The following C3orf49 variants were observed in gnomAD, a reference collection of about 807,000 sequenced individuals.
C3orf49 encodes chromosome 3 open reading frame 49.
C3orf49 carries 27 observed loss-of-function variants against 13.3 expected under a neutral mutation model. The observed-to-expected ratio is 2.02, with a 90% CI of 1.49 to 2.79. The LOEUF (loss-of-function observed/expected upper bound fraction) is 2.79. C3orf49 is among the 30% of genes most tolerant of loss of function. The pLI is 0.00. For synonymous variants in C3orf49, 87 were observed against 47.6 expected (o/e 1.83, Z -3.40); for missense variants, 242 against 134.2 (o/e 1.80, Z -3.97).
upstream of C3orf49, among the ~76,000 whole-genome samples, chr3:63,818,369 T>C (rs765919299): frequency 2.0e-5 from 3 of 152,186 alleles, no homozygotes; most frequent in Non-Finnish European, 4.4e-5. Context: ...CACTTCATTC[T>C]AGACCATTTT....
chr3:63,833,849 A>G (rs1559600988), intron 5 of C3orf49: 1 of 279,808 alleles, frequency 3.6e-6, no homozygotes, highest in African/African-American at 2.2e-5. Flanking sequence ...ACTACCTAGA[A>G]TATTAATGAG....
chr3:63,845,996 C>T (rs1274790706), intron 6 of C3orf49: 2 of 177,846 alleles, frequency 1.1e-5, no homozygotes, highest in African/African-American at 4.8e-5. Context: ...GAACAAAATT[C>T]TTATTGGCAT....
rs369552230 is a variant in C3orf49 at position 63,831,105 on chromosome 3, C to A, written c.571-5C>A. The A allele has an allele frequency of 1.2e-5, 8 of 695,418 alleles. No homozygotes were observed. The highest frequency in any genetic ancestry group is 7.1e-5 in the African/African-American group (4 of 56,518). 43.1% of individuals were successfully genotyped at this position (695,418 alleles called of 1,614,324 possible). A position where few individuals can be genotyped will look rare whatever the true frequency, so the allele number is the denominator to read the frequency against. On this transcript the variant is annotated splice_polypyrimidine_tract_variant and splice_region_variant and intron_variant, in intron 3 of 6. Transcript: ENST00000295896. ...AATCTGATGTGTTTTGCATTTTTAC[C>A]ATAGGGGCCATATTCACCAAAAAAG...
At chr3:63,783,943 C>T in the C3orf49 span, among the ~76,000 whole-genome samples, 1 of 151,916 alleles carries the variant, frequency 6.6e-6, no homozygotes, top group Non-Finnish European at 1.5e-5. Context: ...TTCATGGCCC[C>T]TATATCTTTT....
intron 2 of C3orf49, among the ~76,000 whole-genome samples, chr3:63,823,972 TG>T (rs112088277): frequency 1.1e-4 from 16 of 152,228 alleles, no homozygotes; most frequent in African/African-American, 3.6e-4. Context: ...AGCTAAATTT[TG>T]TATTTTTACT....
the C3orf49 span, among the ~76,000 whole-genome samples, chr3:63,800,688 C>T: frequency 2.6e-5 from 4 of 152,064 alleles, no homozygotes; most frequent in African/African-American, 7.2e-5. Flanking sequence ...ATAGCTAATA[C>T]GTTAATATTG....
the C3orf49 span, chr3:63,786,037 A>G: frequency 2.6e-5 from 4 of 152,206 alleles, no homozygotes; most frequent in Non-Finnish European, 5.9e-5. Flanking sequence ...GATGCTGTCA[A>G]TTATAAAGCC....
At chr3:63,838,205 A>G (rs2107122479) in intron 5 of C3orf49, 2 of 912,924 alleles carry the variant, frequency 2.2e-6, no homozygotes, top group Non-Finnish European at 3.2e-6. Flanking sequence ...CCAAAGTACT[A>G]TATCATCTTA....
In C3orf49 at chr3:63,831,142, T is replaced by C. The variant is rs766289104; in HGVS notation, c.603T>C (p.Phe201=). The C allele has an allele frequency of 2.3e-5, 16 of 702,596 alleles. No homozygotes were observed. The highest frequency in any genetic ancestry group is 1.8e-4 in the South Asian group (12 of 67,558). 43.5% of individuals were successfully genotyped at this position (702,596 alleles called of 1,614,324 possible). A position where few individuals can be genotyped will look rare whatever the true frequency, so the allele number is the denominator to read the frequency against. ...GPYSPKKRPH[F]PALKKKKRGM... is the part of the protein sequence containing the mutation. ...ATTCACCAAAAAAGAGACCACACTT[T>C]CCAGCACTTAAAAAAAAGAAGCGTG... Residue 201 remains phenylalanine, a synonymous_variant, in exon 4 of 7, where the codon TTT becomes TTC. Transcript: ENST00000295896.
the C3orf49 span, among the ~76,000 whole-genome samples, chr3:63,807,378 T>C: frequency 3.3e-5 from 5 of 152,206 alleles, no homozygotes; most frequent in African/African-American, 1.2e-4. Context: ...TTATTCTCTC[T>C]TCCATTTTCC....
upstream of C3orf49, among the ~76,000 whole-genome samples, chr3:63,816,515 G>A (rs1701326039): frequency 6.6e-6 from 1 of 152,002 alleles, no homozygotes; most frequent in African/African-American, 2.4e-5. Context: ...GAACCCAGAA[G>A]GTAGAGGTTG....
intron 5 of C3orf49, chr3:63,832,089 G>C (rs1281819222): frequency 5.6e-6 from 2 of 354,174 alleles, no homozygotes; most frequent in African/African-American, 4.3e-5. Context: ...AGCTACTCGG[G>C]AGGCTGAGGC....
chr3:63,837,998 T>C (rs781186093), intron 5 of C3orf49: 22 of 1,608,774 alleles, frequency 1.4e-5, no homozygotes. Context: ...TTCGTATTCG[T>C]TTTGCTTGAA....
chr3:63,835,996 G>A (rs1202146234), intron 5 of C3orf49, among the ~76,000 whole-genome samples: 1 of 151,876 alleles, frequency 6.6e-6, no homozygotes, highest in Non-Finnish European at 1.5e-5. Flanking sequence ...TTTGAGAGCT[G>A]TGTTTTAAAA....
the C3orf49 span, among the ~76,000 whole-genome samples, chr3:63,788,910 G>A: frequency 1.6e-3 from 240 of 151,870 alleles, 1 homozygote; most frequent in African/African-American, 5.5e-3. Flanking sequence ...TTTCTTGAGG[G>A]GTATTAGTAC....
At chr3:63,814,352 A>G (rs1406266667), upstream of C3orf49, among the ~76,000 whole-genome samples, 1 of 151,864 alleles carries the variant, frequency 6.6e-6, no homozygotes, top group Non-Finnish European at 1.5e-5. Flanking sequence ...GTTTACCACA[A>G]TTCCCACCCC....
chr3:63,806,850 A>G, the C3orf49 span, among the ~76,000 whole-genome samples: 1 of 152,148 alleles, frequency 6.6e-6, no homozygotes, highest in Non-Finnish European at 1.5e-5. Context: ...GACATTTGAC[A>G]CATTGTATTA....
the C3orf49 span, among the ~76,000 whole-genome samples, chr3:63,809,605 C>T: frequency 5.9e-5 from 9 of 152,202 alleles, no homozygotes; most frequent in African/African-American, 2.2e-4. Flanking sequence ...CCAGATCCCA[C>T]ATGTTAGGCC....
chr3:63,830,241 C>T (rs1005918726), intron 3 of C3orf49, among the ~76,000 whole-genome samples: 1 of 152,152 alleles, frequency 6.6e-6, no homozygotes, highest in Non-Finnish European at 1.5e-5. Flanking sequence ...AATGTAGTGA[C>T]TGCCAAGTAT....
Sources: gnomAD v4.1 joint callset for allele counts (sites outside exome capture counted in the v4.1 genomes callset) on GRCh38, gnomAD v4.1.1 for gene constraint, MANE v1.5 for transcripts, NCBI Gene and HGNC (gene_info 2026-07-23, HGNC 2026-07-21) for gene names.